The following WDR3 variants were observed in gnomAD, a reference collection of about 807,000 sequenced individuals.
The protein encoded by WDR3 is WD repeat-containing protein 3.
Under a neutral mutation model 123.7 loss-of-function variants are expected in WDR3, and 81 were observed. That is an observed-to-expected ratio of 0.65 (90% CI 0.55 to 0.79). The LOEUF is 0.79. Among genes scored for constraint, WDR3 ranks in the 30% least tolerant of loss-of-function variants. The pLI is 0.00. For synonymous variants in WDR3, 390 were observed against 388.8 expected (o/e 1.00, Z -0.04); for missense variants, 1,027 against 1,123.2 (o/e 0.91, Z 1.22).
intron 1 of WDR3, among the ~76,000 whole-genome samples, chr1:117,930,956 T>C (rs1422947181): frequency 2.0e-5 from 3 of 152,192 alleles, no homozygotes; most frequent in African/African-American, 7.2e-5. Context: ...AGAATTTGTT[T>C]ATTTATTTTT....
chr1:117,950,923 T>A, intron 16 of WDR3, 33 bp downstream of exon 16: 1 of 1,558,314 alleles, frequency 6.4e-7, no homozygotes, highest in Non-Finnish European at 8.7e-7. Flanking sequence ...CAGTAATATG[T>A]TGTCTTTTTT....
intron 4 of WDR3, among the ~76,000 whole-genome samples, chr1:117,938,122 A>G (rs774143994): frequency 6.6e-6 from 1 of 152,188 alleles, no homozygotes; most frequent in African/African-American, 2.4e-5. Context: ...CAGGAAGACA[A>G]GGGAGTGGGA....
chr1:117,954,766 A>G (rs1651920192), intron 23 of WDR3, 139 bp downstream of exon 23: 1 of 909,446 alleles, frequency 1.1e-6, no homozygotes, highest in African/African-American at 1.7e-5. Flanking sequence ...GAATCTTGGC[A>G]TTCTCTAGGA....
chr1:117,947,347 A>AT (rs1421115522), intron 12 of WDR3, among the ~76,000 whole-genome samples: 1 of 152,246 alleles, frequency 6.6e-6, no homozygotes, highest in East Asian at 1.9e-4. Context: ...AAACAAAGCC[A>AT]TATGTACATG....
Position 117,936,673 on chromosome 1 carries a change from T to TATTG in WDR3, c.382-95_382-92dup, listed in dbSNP as rs113957501. 7,257 of 944,912 alleles carry TATTG rather than the reference T, an allele frequency of 7.7e-3. 319 individuals carry two copies. The African/African-American group carries it at 0.1, about 13-fold the overall frequency. The allele number at this position is 944,912 out of a possible 1,614,324, so 58.5% of individuals were successfully genotyped here. On this transcript the variant is annotated intron_variant, in intron 3 of 26. Coordinates refer to ENST00000349139, the MANE Select transcript of WDR3 (RefSeq NM_006784.3). ...TTCCAAATTTTCTGTAAGGACTGTG[T>TATTG]ATTGCCTTTTTAATAATTAAGTCTC...
Position 117,946,087 on chromosome 1 carries a change from TCTACACTGCA to T in WDR3, c.1331_1340del (p.Ser444CysfsTer6). On this transcript the variant is annotated frameshift_variant and splice_region_variant, in exon 12 of 27. Transcript: ENST00000349139. LOFTEE classifies it high-confidence loss of function. Reference sequence around the variant, plus strand: ...TTCTTTATTTTTTCTTTCTCATAGGTCTACACTGCAGTGTATTCGCACAATGACCTGTGAA... The same window carrying T: ...TTCTTTATTTTTTCTTTCTCATAGGTGTGTATTCGCACAATGACCTGTGAA... 1 of 1,606,596 alleles carries T rather than the reference TCTACACTGCA, an allele frequency of 6.2e-7. No individual in the cohort carries two copies. The highest frequency in any genetic ancestry group is 8.5e-7 in the Non-Finnish European group (1 of 1,176,134).
rs1420435021 is a variant in WDR3 at position 117,943,564 on chromosome 1, A to G, written c.1266A>G (p.Ser422=). 1.2e-6 allele frequency: 2 copies of G among 1,614,066 alleles called. No homozygotes were observed. The highest frequency in any genetic ancestry group is 1.7e-6 in the Non-Finnish European group (2 of 1,180,046). Residue 422 remains serine (S), a synonymous_variant, in exon 11 of 27, where the codon TCA becomes TCG. Transcript: ENST00000349139. ...ATCGCAGTGATGTGCGGACTTTGTC[A>G]TTCAGCTCAGACAATATTGCTGTTC... The part of the protein sequence containing the change: ...GGHRSDVRTL[S]FSSDNIAVLS...
intron 23 of WDR3, 77 bp from the exon 24 acceptor site, chr1:117,955,238 A>T: frequency 1.6e-6 from 2 of 1,272,924 alleles, no homozygotes; most frequent in Non-Finnish European, 2.2e-6. Flanking sequence ...TTCCTGTTTT[A>T]TAGGAGATAG....
At chr1:117,959,260 A>C (rs766751752) in intron 26 of WDR3, 32 bp from the exon 27 acceptor site, 7 of 1,593,940 alleles carry the variant, frequency 4.4e-6, no homozygotes, top group Admixed American at 1.8e-5. Context: ...AGTGGGAGAA[A>C]ATTTTTTAAT....
chr1:117,955,238 A>G, intron 23 of WDR3, 77 bp from the exon 24 acceptor site: 1 of 1,272,926 alleles, frequency 7.9e-7, no homozygotes, highest in South Asian at 1.3e-5. Context: ...TTCCTGTTTT[A>G]TAGGAGATAG....
At chr1:117,944,621 C>T (rs1651302299) in intron 11 of WDR3, among the ~76,000 whole-genome samples, 2 of 152,210 alleles carry the variant, frequency 1.3e-5, no homozygotes, top group Non-Finnish European at 2.9e-5. Context: ...ACCTGCTATT[C>T]CTTCAGACTT....
At chr1:117,931,918 TG>T (rs112949200) in intron 1 of WDR3, among the ~76,000 whole-genome samples, 2,040 of 152,334 alleles carry the variant, frequency 0.013, 39 homozygotes, top group South Asian at 0.092. Context: ...GAATTTTTTT[TG>T]TGTTAGACTA....
rs1239232425 is a variant in WDR3 at position 117,964,745 on chromosome 1, T to C, written c.*5298T>C. On this transcript the variant is annotated 3_prime_UTR_variant, in exon 27 of 27. Coordinates refer to ENST00000349139, the MANE Select transcript of WDR3 (RefSeq NM_006784.3). ...ATAAAGGCAGGCGTTTCGGCATCTTTGAAAGCATAAATGAACAAATGAACT... is the reference window on the plus strand; with the variant it reads ...ATAAAGGCAGGCGTTTCGGCATCTTCGAAAGCATAAATGAACAAATGAACT... 6.6e-6 allele frequency: 1 copy of C among 152,236 alleles called. No homozygotes were observed. Among genetic ancestry groups the C allele is most frequent in the Non-Finnish European group, 1.5e-5 (1 of 68,044 alleles). 9.4% of individuals were successfully genotyped at this position (152,236 alleles called of 1,614,324 possible). A position where few individuals can be genotyped will look rare whatever the true frequency, so the allele number is the denominator to read the frequency against.
chr1:117,957,493 A>G (rs74114933), intron 25 of WDR3, among the ~76,000 whole-genome samples: 3,929 of 152,316 alleles, frequency 0.026, 166 homozygotes, highest in African/African-American at 0.087. Flanking sequence ...ATAGGCCTCC[A>G]TGTTACAATC....
chr1:117,947,355 A>G (rs1177769561), intron 12 of WDR3, among the ~76,000 whole-genome samples: 1 of 152,224 alleles, frequency 6.6e-6, no homozygotes, highest in Non-Finnish European at 1.5e-5. Context: ...CCATATGTAC[A>G]TGAGTTTTAT....
chr1:117,943,200 G>C (rs1012511267), intron 10 of WDR3, among the ~76,000 whole-genome samples, 196 bp from the exon 11 acceptor site: 1 of 152,058 alleles, frequency 6.6e-6, no homozygotes, highest in African/African-American at 2.4e-5. Flanking sequence ...TGATCCACCC[G>C]CCTCGGCCTC....
intron 8 of WDR3, 34 bp downstream of exon 8, chr1:117,941,259 C>A: frequency 6.3e-7 from 1 of 1,587,590 alleles, no homozygotes; most frequent in Non-Finnish European, 8.6e-7. Context: ...ATAACAAGGA[C>A]TAGGCTGTTC....
chr1:117,932,651 A>G (rs1265829573), intron 1 of WDR3, among the ~76,000 whole-genome samples: 1 of 152,166 alleles, frequency 6.6e-6, no homozygotes, highest in Non-Finnish European at 1.5e-5. Context: ...CAGACTGCCA[A>G]TCTCTGTGTA....
Position 117,952,285 on chromosome 1 carries a change from G to A in WDR3, c.1905-12G>A, listed in dbSNP as rs374144674. 8 of 1,595,348 alleles carry A rather than the reference G, an allele frequency of 5.0e-6. No homozygotes were observed. The highest frequency in any genetic ancestry group is 6.8e-6 in the Non-Finnish European group (8 of 1,169,272). ...AATTTGATGACATTTTAATATTTCT[G>A]TCACTTTTCAGTGTGATGTACCTAC... On this transcript the variant is annotated splice_polypyrimidine_tract_variant and intron_variant, in intron 17 of 26. Transcript: ENST00000349139.
Sources: gnomAD v4.1 joint callset for allele counts (sites outside exome capture counted in the v4.1 genomes callset) on GRCh38, gnomAD v4.1.1 for gene constraint, MANE v1.5 for transcripts, NCBI Gene and HGNC (gene_info 2026-07-23, HGNC 2026-07-21) for gene names.